Variants in JMY observed in about 807,000 individuals in gnomAD.
The protein encoded by JMY is junction-mediating and -regulatory protein.
In JMY, 46 loss-of-function variants were observed where a neutral mutation model predicts 103.3. That is an observed-to-expected ratio of 0.45 (90% CI 0.35 to 0.57). The LOEUF is 0.57. Ranked by LOEUF, JMY falls within the 20% of genes least tolerant of loss-of-function variation. The pLI, the probability that JMY is intolerant of heterozygous loss-of-function variation, is 0.00. For synonymous variants in JMY, 526 were observed against 489.3 expected, an observed-to-expected ratio of 1.07 and a Z score of -0.99; for missense variants, 1,238 against 1,255.2, an observed-to-expected ratio of 0.99 and a Z score of 0.21.
chr5:79,283,496 A>C (rs1329241283), intron 2 of JMY, among the ~76,000 whole-genome samples: 1 of 152,176 alleles, frequency 6.6e-6, no homozygotes, highest in Admixed American at 6.5e-5. Flanking sequence ...TATGATATTA[A>C]CATAATATCT....
intron 4 of JMY, among the ~76,000 whole-genome samples, chr5:79,293,715 A>C (rs1258421003): frequency 6.6e-6 from 1 of 152,240 alleles, no homozygotes; most frequent in Non-Finnish European, 1.5e-5. Context: ...CTCTTATTTC[A>C]GAATGACTGC....
chr5:79,271,507 C>G (rs73116185), intron 1 of JMY, among the ~76,000 whole-genome samples: 4,501 of 152,174 alleles, frequency 0.03, 205 homozygotes, highest in African/African-American at 0.1. Flanking sequence ...CTATCTGGGC[C>G]TGATGCATTC....
chr5:79,269,727 TTTTTA>T (rs1745686559), intron 1 of JMY, among the ~76,000 whole-genome samples: 1 of 151,970 alleles, frequency 6.6e-6, no homozygotes, highest in South Asian at 2.1e-4. Context: ...TGTATTTTAT[TTTTTA>T]TTTATTTTTT....
At chr5:79,246,894 G>C (rs879267366) in intron 1 of JMY, among the ~76,000 whole-genome samples, 2 of 151,524 alleles carry the variant, frequency 1.3e-5, no homozygotes, top group Non-Finnish European at 2.9e-5. Context: ...AAAAAAAAAA[G>C]TATGCTATAA....
intron 1 of JMY, among the ~76,000 whole-genome samples, chr5:79,272,046 A>G (rs1745799605): frequency 6.7e-6 from 1 of 150,128 alleles, no homozygotes; most frequent in Non-Finnish European, 1.5e-5. Context: ...CGGGAGGTGG[A>G]GGTTGCAGTG....
intron 10 of JMY, among the ~76,000 whole-genome samples, chr5:79,316,779 A>G (rs1319107565): frequency 1.3e-5 from 2 of 151,522 alleles, no homozygotes; most frequent in Non-Finnish European, 1.5e-5. Context: ...GGTGGCGGGC[A>G]TCTGTAATCC....
Position 79,236,682 on chromosome 5 carries a change from C to A in JMY, c.32C>A (p.Ser11Ter). 6.8e-7 allele frequency: 1 copy of A among 1,480,166 alleles called. No homozygotes were observed. The highest frequency in any genetic ancestry group is 9.0e-7 in the Non-Finnish European group (1 of 1,110,160). The allele number at this position is 1,480,166 out of a possible 1,614,324, so 91.7% of individuals were successfully genotyped here. A position where few individuals can be genotyped will look rare whatever the true frequency, so the allele number is the denominator to read the frequency against. MSFALEETLE[S>*]DWVAVRPHVF... The stretch of plus-strand genomic sequence containing the variant: ...TTCGCGCTGGAGGAGACGCTCGAGT[C>A]GGACTGGGTGGCTGTGCGGCCCCAT... The change falls in exon 1 of 11, where the codon TCG (serine) becomes TAG (stop). Residue 11 changes from serine (S) to a stop codon, truncating the protein, a stop_gained. Transcript: ENST00000396137. LOFTEE classifies it high-confidence loss of function.
At chr5:79,317,489 A>T (rs543252819) in intron 10 of JMY, among the ~76,000 whole-genome samples, 242 of 152,354 alleles carry the variant, frequency 1.6e-3, no homozygotes, top group Non-Finnish European at 2.7e-3. Flanking sequence ...ACAGTATATC[A>T]AATTTATAAT....
chr5:79,277,695 C>T (rs934140109), intron 1 of JMY, among the ~76,000 whole-genome samples: 4 of 151,902 alleles, frequency 2.6e-5, no homozygotes, highest in African/African-American at 9.7e-5. Context: ...AAGCTCAATA[C>T]TTTGAGCCTC....
At chr5:79,297,624 ATCCTTTTC>A (rs1364904710) in intron 4 of JMY, among the ~76,000 whole-genome samples, 2 of 152,238 alleles carry the variant, frequency 1.3e-5, no homozygotes, top group Non-Finnish European at 2.9e-5. Flanking sequence ...GAGTCATAGC[ATCCTTTTC>A]TCCTTTGCTG....
At chr5:79,251,625 AT>A (rs796459953) in intron 1 of JMY, among the ~76,000 whole-genome samples, 326 of 137,642 alleles carry the variant, frequency 2.4e-3, no homozygotes, top group Admixed American at 2.7e-3. Context: ...CATTCATTCT[AT>A]TTTTTTTTTT....
chr5:79,314,160 C>T, intron 8 of JMY, 97 bp from the exon 9 acceptor site: 2 of 1,509,200 alleles, frequency 1.3e-6, no homozygotes, highest in Non-Finnish European at 1.8e-6. Flanking sequence ...CACCCGGCCA[C>T]ATAACATCTT....
chr5:79,281,704 C>G (rs1017270436), intron 2 of JMY, among the ~76,000 whole-genome samples: 3 of 151,902 alleles, frequency 2.0e-5, no homozygotes, highest in Non-Finnish European at 4.4e-5. Flanking sequence ...AAAAGGGGCA[C>G]GAAGAATCTT....
At chr5:79,256,650 C>T (rs887321079) in intron 1 of JMY, among the ~76,000 whole-genome samples, 2 of 152,144 alleles carry the variant, frequency 1.3e-5, no homozygotes, top group Non-Finnish European at 2.9e-5. Context: ...GTGATTGTTC[C>T]TTTTTGGCCT....
At chr5:79,269,277 G>C (rs1745673521) in intron 1 of JMY, among the ~76,000 whole-genome samples, 1 of 151,968 alleles carries the variant, frequency 6.6e-6, no homozygotes, top group Admixed American at 6.6e-5. Context: ...ATTTATTTTT[G>C]GACTCTATTC....
chr5:79,257,039 C>A (rs183773355), intron 1 of JMY, among the ~76,000 whole-genome samples: 4 of 151,374 alleles, frequency 2.6e-5, no homozygotes, highest in Admixed American at 2.6e-4. Context: ...GTTCCACATT[C>A]CTTATTTTAT....
intron 1 of JMY, among the ~76,000 whole-genome samples, 166 bp downstream of exon 1, chr5:79,237,848 G>T (rs1744574111): frequency 6.6e-6 from 1 of 151,934 alleles, no homozygotes. Flanking sequence ...CATCCCTCTC[G>T]GTGGCTGCTT....
chr5:79,314,571 C>T lies in JMY; in HGVS notation c.2379C>T (p.Leu793=), dbSNP rs369032493. ...TISLPLLNNN[L]EPCSVTINPL... is the part of the protein sequence containing the mutation. The stretch of plus-strand genomic sequence containing the variant: ...CTCTTCCACTTTTGAATAACAACCT[C>T]GAACCATGTTCTGTTACCATAAATC... Residue 793 remains leucine, a synonymous_variant, in exon 9 of 11, where the codon CTC becomes CTT. Transcript: ENST00000396137. 46 of 1,614,142 alleles carry T rather than the reference C, an allele frequency of 2.8e-5. No homozygotes were observed. The highest frequency in any genetic ancestry group is 2.1e-4 in the African/African-American group (16 of 75,042).
At chr5:79,247,185 A>G (rs998678035) in intron 1 of JMY, among the ~76,000 whole-genome samples, 2 of 152,234 alleles carry the variant, frequency 1.3e-5, no homozygotes, top group African/African-American at 2.4e-5. Flanking sequence ...ACAGTGGACA[A>G]AAGCAATAGT....
Sources: allele counts gnomAD v4.1 joint callset (sites outside exome capture counted in the v4.1 genomes callset), GRCh38; gene constraint gnomAD v4.1.1; transcripts MANE v1.5; gene names NCBI Gene and HGNC (gene_info 2026-07-23, HGNC 2026-07-21).